WNT7A: variants seen among roughly 807,000 people sequenced by gnomAD.
WNT7A encodes protein Wnt-7a.
Under a neutral mutation model 28.2 loss-of-function variants are expected in WNT7A, and 16 were observed. The observed-to-expected ratio is 0.57, with a 90% CI of 0.38 to 0.86. The LOEUF is 0.86. Among genes scored for constraint, WNT7A ranks in the 40% least tolerant of loss-of-function variants. WNT7A has a pLI of 0.00. For synonymous variants in WNT7A, 190 were observed against 195.9 expected, an observed-to-expected ratio of 0.97 and a Z score of 0.25; for missense variants, 411 against 489.7, an observed-to-expected ratio of 0.84 and a Z score of 1.52.
chr3:13,856,978 A>AGAAGAAGGAGAAGAAGG (rs1694755162), intron 2 of WNT7A, among the ~76,000 whole-genome samples: 2 of 100,680 alleles, frequency 2.0e-5, no homozygotes, highest in African/African-American at 1.3e-4. Flanking sequence ...GGAGAAGAAG[A>AGAAGAAGGAGAAGAAGG]AGAAGAAGGA....
chr3:13,844,194 T>A (rs1477528427), intron 3 of WNT7A, among the ~76,000 whole-genome samples: 1 of 152,204 alleles, frequency 6.6e-6, no homozygotes, highest in African/African-American at 2.4e-5. Context: ...GAACCCTGGC[T>A]CAGATGCTTT....
At chr3:13,873,309 C>T (rs1695053696) in intron 2 of WNT7A, among the ~76,000 whole-genome samples, 1 of 151,950 alleles carries the variant, frequency 6.6e-6, no homozygotes, top group African/African-American at 2.4e-5. Context: ...GCCAACTTCA[C>T]CAGTGGCCCA....
At chr3:13,835,076 C>A (rs1694344286) in intron 3 of WNT7A, among the ~76,000 whole-genome samples, 1 of 152,148 alleles carries the variant, frequency 6.6e-6, no homozygotes, top group Non-Finnish European at 1.5e-5. Context: ...GAGGAAAGGG[C>A]AGGCTAGGCA....
intron 3 of WNT7A, among the ~76,000 whole-genome samples, 154 bp from the exon 4 acceptor site, chr3:13,819,577 C>A (rs1423477945): frequency 7.0e-6 from 1 of 142,330 alleles, no homozygotes; most frequent in African/African-American, 2.6e-5. Context: ...GACCTGGATT[C>A]TAGGCCCTCT....
chr3:13,867,112 C>A (rs1251298042), intron 2 of WNT7A, among the ~76,000 whole-genome samples: 1 of 152,144 alleles, frequency 6.6e-6, no homozygotes. Context: ...GGGATGTCAT[C>A]CAATGGATAA....
intron 2 of WNT7A, among the ~76,000 whole-genome samples, chr3:13,865,377 T>A (rs1694895522): frequency 1.3e-5 from 2 of 151,584 alleles, no homozygotes; most frequent in Non-Finnish European, 2.9e-5. Flanking sequence ...TCCTCTTGAA[T>A]CATGCCACAG....
chr3:13,877,908 A>C (rs1183890220), intron 1 of WNT7A, among the ~76,000 whole-genome samples: 1 of 152,246 alleles, frequency 6.6e-6, no homozygotes, highest in Non-Finnish European at 1.5e-5. Context: ...ATCAGCCAGA[A>C]GCGGGTAGAG....
chr3:13,850,481 T>A (rs1694612355), intron 3 of WNT7A, among the ~76,000 whole-genome samples: 1 of 152,062 alleles, frequency 6.6e-6, no homozygotes, highest in Non-Finnish European at 1.5e-5. Context: ...CCGACACCCC[T>A]CCGTGTGCAA....
intron 3 of WNT7A, among the ~76,000 whole-genome samples, chr3:13,847,992 T>A (rs558766592): frequency 6.6e-6 from 1 of 152,120 alleles, no homozygotes; most frequent in South Asian, 2.1e-4. Context: ...TTTATCACAA[T>A]TAAAAATAAA....
intron 1 of WNT7A, among the ~76,000 whole-genome samples, chr3:13,878,613 G>C (rs1251403111): frequency 6.6e-6 from 1 of 152,192 alleles, no homozygotes. Context: ...CAGAGACGTG[G>C]ACTGGGGAAG....
At chr3:13,868,584 G>A (rs144605444) in intron 2 of WNT7A, among the ~76,000 whole-genome samples, 4,276 of 17,544 alleles carry the variant, frequency 0.24, 1,285 homozygotes, top group South Asian at 0.36. Flanking sequence ...GAGAGAGAGA[G>A]AGAGAGGGAG....
At chr3:13,850,203 C>G (rs539201610) in intron 3 of WNT7A, among the ~76,000 whole-genome samples, 2 of 152,208 alleles carry the variant, frequency 1.3e-5, no homozygotes, top group Non-Finnish European at 2.9e-5. Context: ...CCTGGCCTGG[C>G]CAGTCAGCTT....
chr3:13,835,386 G>A (rs78395721), intron 3 of WNT7A, among the ~76,000 whole-genome samples: 2 of 152,188 alleles, frequency 1.3e-5, no homozygotes, highest in Admixed American at 6.5e-5. Context: ...AGGACCACCC[G>A]CCTGGCCAGC....
rs1362645060 is a variant in WNT7A at position 13,860,837 on chromosome 3, G to A, written c.299-6034C>T. Among the ~76,000 whole-genome samples the A allele has an allele frequency of 2.0e-5, 3 of 152,228 alleles. No individual in the cohort carries two copies. In the East Asian group the frequency reaches 5.8e-4, roughly 29 times the overall value. On this transcript the variant is annotated intron_variant, in intron 2 of 3. Transcript: ENST00000285018. ...CATTTATCTTAGGAGACACCTGCAA[G>A]GGTGGTCTGTTCTATTGCTGTGGAA...
rs1313332959 is a variant in WNT7A at position 13,854,512 on chromosome 3, T to G, written c.570+20A>C. On this transcript the variant is annotated intron_variant, in intron 3 of 3. Transcript: ENST00000285018. ...AGCATCTCCGCGAGCGCCGCCCAGCTGCCCTCCCTGGCTTCCTACCTTTCG... is the reference window on the plus strand; with the variant it reads ...AGCATCTCCGCGAGCGCCGCCCAGCGGCCCTCCCTGGCTTCCTACCTTTCG... 7.4e-6 allele frequency: 12 copies of G among 1,613,972 alleles called. No individual in the cohort carries two copies. Among genetic ancestry groups the G allele is most frequent in the Non-Finnish European group, 1.0e-5 (12 of 1,180,038 alleles).
intron 2 of WNT7A, among the ~76,000 whole-genome samples, chr3:13,859,671 C>G (rs1049534387): frequency 5.3e-5 from 8 of 152,306 alleles, no homozygotes; most frequent in East Asian, 3.9e-4. Context: ...TGTCATGGCC[C>G]TTGCTGTGTC....
chr3:13,852,850 C>G (rs954513704), intron 3 of WNT7A, among the ~76,000 whole-genome samples: 1 of 152,152 alleles, frequency 6.6e-6, no homozygotes. Flanking sequence ...CACAGTCCCA[C>G]CTCTTGGCTC....
chr3:13,836,519 G>A (rs2124841136), intron 3 of WNT7A, among the ~76,000 whole-genome samples: 1 of 152,348 alleles, frequency 6.6e-6, no homozygotes, highest in Non-Finnish European at 1.5e-5. Flanking sequence ...TCTCACATGT[G>A]GCCAGGGGTG....
chr3:13,842,125 C>T (rs373592682), intron 3 of WNT7A, among the ~76,000 whole-genome samples: 297 of 152,146 alleles, frequency 2.0e-3, no homozygotes, highest in African/African-American at 6.7e-3. Flanking sequence ...TCTGTGTCTA[C>T]TCTGGGTGAG....
Sources: allele counts gnomAD v4.1 joint callset (sites outside exome capture counted in the v4.1 genomes callset), GRCh38; gene constraint gnomAD v4.1.1; transcripts MANE v1.5; gene names NCBI Gene and HGNC (gene_info 2026-07-23, HGNC 2026-07-21).